Variants in WWOX observed in about 807,000 individuals in gnomAD.
WWOX encodes WW domain-containing oxidoreductase.
A neutral mutation model predicts 46.2 loss-of-function variants in WWOX; 69 were observed. The ratio of observed to expected loss-of-function variants is 1.49; its 90% CI spans 1.23 to 1.82. The LOEUF (loss-of-function observed/expected upper bound fraction) is 1.82. Among genes scored for constraint, WWOX ranks in the 40% most tolerant of loss-of-function variants. WWOX has a pLI of 0.00. For synonymous variants in WWOX, 359 were observed against 202.6 expected, an observed-to-expected ratio of 1.77 and a Z score of -6.56; for missense variants, 919 against 542.6, an observed-to-expected ratio of 1.69 and a Z score of -6.89.
chr16:79,000,948 G>T (rs1246191015), intron 8 of WWOX, among the ~76,000 whole-genome samples: 1 of 152,186 alleles, frequency 6.6e-6, no homozygotes, highest in Non-Finnish European at 1.5e-5. Flanking sequence ...GGCAGGAATA[G>T]TGTGTGGTTC....
At chr16:78,586,815 A>C (rs1191322319) in intron 8 of WWOX, among the ~76,000 whole-genome samples, 1 of 152,160 alleles carries the variant, frequency 6.6e-6, no homozygotes, top group African/African-American at 2.4e-5. Flanking sequence ...TGTATAATTG[A>C]TGGGTCTATA....
At chr16:78,947,392 C>G (rs1018482218) in intron 8 of WWOX, among the ~76,000 whole-genome samples, 1 of 152,144 alleles carries the variant, frequency 6.6e-6, no homozygotes, top group Non-Finnish European at 1.5e-5. Flanking sequence ...TTAGCTGTAT[C>G]CCTGCATTTA....
Position 78,789,342 on chromosome 16 carries a change from A to G in WWOX, c.1056+356590A>G, listed in dbSNP as rs968669445. 3.9e-5 allele frequency among the ~76,000 whole-genome samples: 6 copies of G among 152,340 alleles called. No individual in the cohort carries two copies. The South Asian group carries it at 1.0e-3, about 26-fold the overall frequency. On this transcript the variant is annotated intron_variant, in intron 8 of 8. Coordinates refer to ENST00000566780, the MANE Select transcript of WWOX (RefSeq NM_016373.4). Reference sequence around the variant, plus strand: ...TTTTTCTATATAGTTTAAGGTAGGCATTCAACTTTGTTCTTTTGAATGTGA... The same window carrying G: ...TTTTTCTATATAGTTTAAGGTAGGCGTTCAACTTTGTTCTTTTGAATGTGA...
intron 1 of WWOX, among the ~76,000 whole-genome samples, chr16:78,103,037 G>A (rs558150585): frequency 6.6e-6 from 1 of 152,230 alleles, no homozygotes; most frequent in East Asian, 1.9e-4. Flanking sequence ...GCTTGCCCTG[G>A]AGCCTGGCGC....
intron 5 of WWOX, among the ~76,000 whole-genome samples, chr16:78,191,569 T>G (rs933795021): frequency 1.3e-5 from 2 of 152,206 alleles, no homozygotes; most frequent in African/African-American, 4.8e-5. Flanking sequence ...GTGAATATGT[T>G]AATTCCTTTT....
chr16:78,709,234 C>G (rs943700827), intron 8 of WWOX, among the ~76,000 whole-genome samples: 1 of 152,180 alleles, frequency 6.6e-6, no homozygotes, highest in East Asian at 1.9e-4. Context: ...CCTGTTAACA[C>G]AATGCTTTTA....
intron 8 of WWOX, among the ~76,000 whole-genome samples, chr16:78,822,249 T>A (rs1430340199): frequency 6.6e-6 from 1 of 152,010 alleles, no homozygotes; most frequent in Non-Finnish European, 1.5e-5. Context: ...ATCACAGCAC[T>A]TTAGGAGGCC....
chr16:78,181,823 A>AT (rs2035540469), intron 5 of WWOX, among the ~76,000 whole-genome samples: 1 of 152,128 alleles, frequency 6.6e-6, no homozygotes, highest in Non-Finnish European at 1.5e-5. Context: ...TTAAATATAG[A>AT]TTTTTTTAGA....
At chr16:78,584,401 C>T (rs748777954) in intron 8 of WWOX, among the ~76,000 whole-genome samples, 11 of 152,264 alleles carry the variant, frequency 7.2e-5, no homozygotes, top group Admixed American at 2.6e-4. Flanking sequence ...CTTGGGATTT[C>T]GCAACACGTC....
Position 78,681,743 on chromosome 16 carries a change from C to G in WWOX, c.1056+248991C>G, listed in dbSNP as rs897293851. On this transcript the variant is annotated intron_variant, in intron 8 of 8. Transcript: ENST00000566780. ...GAAGTGAATGGGACAGTTTCCAATA[C>G]TCAGCACAAAGGCGTGCGCAGTGAC... is the stretch of plus-strand genomic sequence containing the variant. Among the ~76,000 whole-genome samples the G allele has an allele frequency of 2.6e-5, 4 of 152,312 alleles. No individual in the cohort carries two copies. The South Asian group carries it at 8.3e-4, about 32-fold the overall frequency.
intron 8 of WWOX, among the ~76,000 whole-genome samples, chr16:78,798,503 C>G (rs1015980444): frequency 6.6e-6 from 1 of 151,532 alleles, no homozygotes; most frequent in Non-Finnish European, 1.5e-5. Context: ...ACAGCCTGTA[C>G]TTGAGTCCTT....
At chr16:78,974,442 C>G (rs1388446079) in intron 8 of WWOX, among the ~76,000 whole-genome samples, 2 of 152,178 alleles carry the variant, frequency 1.3e-5, no homozygotes, top group Admixed American at 1.3e-4. Context: ...ATTGTTCAGC[C>G]TCAAGTTCCA....
intron 6 of WWOX, among the ~76,000 whole-genome samples, chr16:78,403,620 A>G (rs920481475): frequency 6.6e-6 from 1 of 152,304 alleles, no homozygotes; most frequent in Middle Eastern, 3.4e-3. Flanking sequence ...CCCAGGTATT[A>G]TTTTAATAGA....
In WWOX at chr16:78,272,805, T is replaced by C. The variant is rs530695281; in HGVS notation, c.516+108516T>C. On this transcript the variant is annotated intron_variant, in intron 5 of 8. Transcript: ENST00000566780. ...TAATGCTGTTTTTAATTCACCACACTGTATGCCATTTGCTTAAAATCAGAA... is the reference window on the plus strand; with the variant it reads ...TAATGCTGTTTTTAATTCACCACACCGTATGCCATTTGCTTAAAATCAGAA... Among the ~76,000 whole-genome samples, 158 of 152,132 alleles carry C rather than the reference T, an allele frequency of 1.0e-3. No individual in the cohort carries two copies. The South Asian group carries it at 0.032, about 31-fold the overall frequency.
At chr16:79,035,581 C>A (rs868526827) in intron 8 of WWOX, among the ~76,000 whole-genome samples, 6 of 152,250 alleles carry the variant, frequency 3.9e-5, no homozygotes, top group Non-Finnish European at 7.4e-5. Context: ...CTCTATCATC[C>A]AGGCTGGAGT....
At chr16:78,723,617 CTTTTCTTTTCTT>C (rs2048751062) in intron 8 of WWOX, among the ~76,000 whole-genome samples, 4 of 69,898 alleles carry the variant, frequency 5.7e-5, no homozygotes, top group African/African-American at 5.4e-5. Context: ...CTTTTCTTTT[CTTTTCTTTTCTT>C]TTTTCTTTTC....
At chr16:79,015,428 G>C (rs187636428) in intron 8 of WWOX, among the ~76,000 whole-genome samples, 79 of 152,196 alleles carry the variant, frequency 5.2e-4, no homozygotes, top group Non-Finnish European at 1.0e-4. Flanking sequence ...TTCCTTCCAA[G>C]TGATGGTGAG....
intron 8 of WWOX, among the ~76,000 whole-genome samples, chr16:78,679,587 C>T (rs187654791): frequency 1.3e-5 from 2 of 152,276 alleles, no homozygotes; most frequent in Admixed American, 1.3e-4. Flanking sequence ...AAATATAATA[C>T]AGACACAGGC....
At chr16:78,681,059 GC>G (rs548752365) in intron 8 of WWOX, among the ~76,000 whole-genome samples, 477 of 152,288 alleles carry the variant, frequency 3.1e-3, no homozygotes, top group Non-Finnish European at 4.9e-3. Context: ...GACCACCCTG[GC>G]TAACATGGTG....
Sources: gnomAD v4.1 joint callset for allele counts (sites outside exome capture counted in the v4.1 genomes callset) on GRCh38, gnomAD v4.1.1 for gene constraint, MANE v1.5 for transcripts, NCBI Gene and HGNC (gene_info 2026-07-23, HGNC 2026-07-21) for gene names.